VPS13D: variants seen among roughly 807,000 people sequenced by gnomAD.
VPS13D encodes intermembrane lipid transfer protein VPS13D.
Under a neutral mutation model 461.9 loss-of-function variants are expected in VPS13D, and 187 were observed. The observed-to-expected ratio is 0.40, with a 90% CI of 0.36 to 0.46. The LOEUF (loss-of-function observed/expected upper bound fraction) is 0.46. VPS13D is among the 20% of genes least tolerant of loss of function. The pLI is 0.60. For synonymous variants in VPS13D, 1,951 were observed against 1,986.3 expected, an observed-to-expected ratio of 0.98 and a Z score of 0.47; for missense variants, 4,711 against 5,364.9, an observed-to-expected ratio of 0.88 and a Z score of 3.81.
rs1050268083 is a variant in VPS13D at position 12,404,612 on chromosome 1, G to A, written c.12030+639G>A. Among the ~76,000 whole-genome samples, 8 of 152,150 alleles carry A rather than the reference G, an allele frequency of 5.3e-5. No individual in the cohort carries two copies. In the East Asian group the frequency reaches 1.5e-3, roughly 29 times the overall value. On this transcript the variant is annotated intron_variant, in intron 63 of 69. Transcript: ENST00000620676. ...AAGTTTATCTTCATCAAGGAAGAAA[G>A]CTGGGATTCAAATCCAAGCCTGTCT...
chr1:12,306,074 C>A (rs887467234), intron 26 of VPS13D, among the ~76,000 whole-genome samples: 5 of 152,056 alleles, frequency 3.3e-5, no homozygotes, highest in African/African-American at 9.7e-5. Flanking sequence ...AGCTCCGCCT[C>A]CCGGGTTCAC....
In VPS13D at chr1:12,509,768, G is replaced by A. The variant is rs2100573947; in HGVS notation, c.*744G>A. ...TATCCATTTGGCTTTTTCCTAACTA[G>A]TCTTACCAAACTTAGGGGGAAACCT... On this transcript the variant is annotated 3_prime_UTR_variant, in exon 70 of 70. Transcript: ENST00000620676. 2 of 152,316 alleles carry A rather than the reference G, an allele frequency of 1.3e-5. No homozygotes were observed. The highest frequency in any genetic ancestry group is 3.9e-4 in the East Asian group (2 of 5,192). The allele number at this position is 152,316 out of a possible 1,614,324, so 9.4% of individuals were successfully genotyped here.
chr1:12,375,947 G>A (rs1386556430), intron 55 of VPS13D, among the ~76,000 whole-genome samples: 4 of 152,178 alleles, frequency 2.6e-5, no homozygotes, highest in Non-Finnish European at 5.9e-5. Flanking sequence ...GGGAGGAAGG[G>A]AACTGGAAGG....
At chr1:12,281,555 A>G (rs1211756149) in intron 20 of VPS13D, among the ~76,000 whole-genome samples, 1 of 152,090 alleles carries the variant, frequency 6.6e-6, no homozygotes, top group African/African-American at 2.4e-5. Context: ...CTTTTTTGGC[A>G]GGGGAGTTGG....
intron 67 of VPS13D, 92 bp from the exon 68 acceptor site, chr1:12,497,408 G>A (rs976056747): frequency 5.4e-5 from 78 of 1,444,148 alleles, no homozygotes; most frequent in South Asian, 1.5e-4. Context: ...AGTATGTCTC[G>A]TATTACAGAG....
At chr1:12,501,181 G>A (rs1168142722) in intron 68 of VPS13D, among the ~76,000 whole-genome samples, 1 of 151,992 alleles carries the variant, frequency 6.6e-6, no homozygotes. Context: ...TTGTCTCCTT[G>A]AGAAATTTCA....
chr1:12,444,470 CT>C (rs967233338), intron 65 of VPS13D, among the ~76,000 whole-genome samples: 16 of 152,104 alleles, frequency 1.1e-4, no homozygotes, highest in South Asian at 2.1e-4. Context: ...TTTCTGCCCC[CT>C]TTTTTTTCTT....
At chr1:12,311,960 A>G in intron 29 of VPS13D, 35 bp downstream of exon 29, 2 of 1,544,196 alleles carry the variant, frequency 1.3e-6, no homozygotes, top group Middle Eastern at 1.7e-4. Flanking sequence ...ACTGTTAGTA[A>G]CAGTATCCAA....
intron 46 of VPS13D, among the ~76,000 whole-genome samples, chr1:12,352,965 CAAAAAAAA>C (rs61588046): frequency 0.018 from 308 of 17,556 alleles, 4 homozygotes; most frequent in African/African-American, 0.057. Context: ...AACTCAGTCT[CAAAAAAAA>C]AAAAAAAAAA....
intron 30 of VPS13D, among the ~76,000 whole-genome samples, chr1:12,316,653 A>G (rs1390127073): frequency 6.6e-6 from 1 of 152,188 alleles, no homozygotes; most frequent in Non-Finnish European, 1.5e-5. Flanking sequence ...TTTAGGGGAA[A>G]TGAGGAGCAG....
At chr1:12,448,147 G>C (rs778541396) in intron 65 of VPS13D, among the ~76,000 whole-genome samples, 2 of 152,166 alleles carry the variant, frequency 1.3e-5, no homozygotes, top group Non-Finnish European at 2.9e-5. Context: ...TAAAGAGAGT[G>C]TGTCTTTTGC....
intron 63 of VPS13D, among the ~76,000 whole-genome samples, chr1:12,404,373 C>T (rs1243993633): frequency 6.6e-6 from 1 of 152,114 alleles, no homozygotes. Flanking sequence ...GTGCCCGAGG[C>T]CTGCTCACCT....
chr1:12,299,640 A>G lies in VPS13D; in HGVS notation c.6216+256A>G, dbSNP rs575144109. On this transcript the variant is annotated intron_variant, in intron 25 of 69. Transcript: ENST00000620676. The surrounding 1 kb of genome is among the most constrained non-coding windows in gnomAD (Gnocchi z 4.2). Reference sequence around the variant, plus strand: ...ATTGATATTTCAATTAACCTTATGAATTGAGGTAGTGTAAATTATAACTCT... The same window carrying G: ...ATTGATATTTCAATTAACCTTATGAGTTGAGGTAGTGTAAATTATAACTCT... Among the ~76,000 whole-genome samples, 16 of 152,186 alleles carry G rather than the reference A, an allele frequency of 1.1e-4. No individual in the cohort carries two copies. Among genetic ancestry groups the G allele is most frequent in the Admixed American group, 5.9e-4 (9 of 15,266 alleles).
rs1328854039 is a variant in VPS13D, at chr1:12,378,432, C to T, written c.10922C>T (p.Pro3641Leu). ...TQRVILKKKE[P>L]GKRSQLWRMT... The stretch of plus-strand genomic sequence containing the variant: ...TTGCTTGTACCTACTTAACAGGAAC[C>T]AGGAAAGCGTTCTCAGCTGTGGAGG... Residue 3641 changes from proline (P) to leucine (L), a missense_variant, in exon 56 of 70, where the codon CCA becomes CTA. By Grantham distance (98) the Pro-to-Leu change is moderately conservative (BLOSUM62 -3). Around this residue, in one of 3 missense-constraint regions of VPS13D, gnomAD observed 4,411 missense variants for 4,937.8 expected, o/e 0.89. Coordinates refer to ENST00000620676, the MANE Select transcript of VPS13D (RefSeq NM_015378.4). 1.2e-6 allele frequency: 2 copies of T among 1,600,706 alleles called. No homozygotes were observed. Among genetic ancestry groups the T allele is most frequent in the Admixed American group, 1.8e-5 (1 of 57,100 alleles).
At chr1:12,486,621 C>T (rs568890873) in intron 67 of VPS13D, among the ~76,000 whole-genome samples, 1 of 152,300 alleles carries the variant, frequency 6.6e-6, no homozygotes, top group African/African-American at 2.4e-5. Flanking sequence ...TGACCCAGGT[C>T]GGTAACTTTC....
intron 24 of VPS13D, 58 bp downstream of exon 24, chr1:12,293,762 T>G: frequency 1.3e-6 from 2 of 1,547,124 alleles, no homozygotes; most frequent in East Asian, 2.3e-5. Flanking sequence ...GTAGAACTTT[T>G]AGGCCTCTAG....
chr1:12,485,666 G>T lies in VPS13D; in HGVS notation c.12663-11834G>T, dbSNP rs960050837. ...ATTGTAATTTTTAAAAAGGTTGTTG[G>T]GGGGGTGGGCCCGCAGGGGATCTGG... On this transcript the variant is annotated intron_variant, in intron 67 of 69. Coordinates refer to ENST00000620676, the MANE Select transcript of VPS13D (RefSeq NM_015378.4). Among the ~76,000 whole-genome samples, 10 of 152,246 alleles carry T rather than the reference G, an allele frequency of 6.6e-5. 1 individual carries two copies. Among genetic ancestry groups the T allele is most frequent in the South Asian group, 2.1e-4 (1 of 4,808 alleles).
At chr1:12,346,141 G>A (rs1371763953) in intron 43 of VPS13D, among the ~76,000 whole-genome samples, 2 of 152,146 alleles carry the variant, frequency 1.3e-5, no homozygotes, top group Admixed American at 1.3e-4. Context: ...TTATTTTTGG[G>A]TAGCCAGTAG....
At chr1:12,321,497 A>T (rs1643034265) in intron 32 of VPS13D, among the ~76,000 whole-genome samples, 1 of 152,142 alleles carries the variant, frequency 6.6e-6, no homozygotes, top group South Asian at 2.1e-4. Flanking sequence ...TTAACTATTA[A>T]ATAATGGTTT....
Sources: allele counts gnomAD v4.1 joint callset (sites outside exome capture counted in the v4.1 genomes callset), GRCh38; gene constraint gnomAD v4.1.1; regional missense constraint gnomAD v4.1.1; non-coding constraint Gnocchi (gnomAD v3.1); transcripts MANE v1.5; gene names NCBI Gene and HGNC (gene_info 2026-07-23, HGNC 2026-07-21).